Variants in GREM2 observed in about 807,000 individuals in gnomAD.
The protein encoded by GREM2 is gremlin-2.
GREM2 carries 11 observed loss-of-function variants against 14.2 expected under a neutral mutation model. That is an observed-to-expected ratio of 0.78 (90% CI 0.49 to 1.28). The LOEUF (loss-of-function observed/expected upper bound fraction) is 1.28, where lower values mean the gene tolerates loss of function less well. Among genes scored for constraint, GREM2 ranks in the 50% most tolerant of loss-of-function variants. The pLI is 0.00. For missense variants in GREM2, 210 were observed against 218.5 expected (o/e 0.96, Z 0.24); for synonymous variants, 98 against 97.6 (o/e 1.00, Z -0.02).
At chr1:240,504,201 T>A (rs941688805) in intron 1 of GREM2, among the ~76,000 whole-genome samples, 1 of 152,152 alleles carries the variant, frequency 6.6e-6, no homozygotes, top group African/African-American at 2.4e-5. Flanking sequence ...GGAAAAAAAC[T>A]GTTCAGTACT....
Position 240,597,526 on chromosome 1 carries a change from C to T in GREM2, c.-2+14358G>A, listed in dbSNP as rs184624726. ...CAAACGTCCCTTTCCGCCTTGCTCC[C>T]GCCTCATTTTACTCAAAGGTCACCT... On this transcript the variant is annotated intron_variant, in intron 1 of 1. Transcript: ENST00000318160. Among the ~76,000 whole-genome samples, 73 of 152,292 alleles carry T rather than the reference C, an allele frequency of 4.8e-4. 2 individuals are homozygous for T. Among genetic ancestry groups the T allele is most frequent in the Admixed American group, 4.3e-3 (66 of 15,304 alleles).
At chr1:240,495,741 T>A (rs911914642) in intron 1 of GREM2, among the ~76,000 whole-genome samples, 3 of 152,170 alleles carry the variant, frequency 2.0e-5, no homozygotes, top group Admixed American at 6.5e-5. Context: ...TAAAAATATT[T>A]ACGTTAAAAT....
At chr1:240,607,385 T>C (rs964749005) in intron 1 of GREM2, among the ~76,000 whole-genome samples, 1 of 152,158 alleles carries the variant, frequency 6.6e-6, no homozygotes, top group Non-Finnish European at 1.5e-5. Context: ...GTCTTAATAC[T>C]ATTAGACCCT....
chr1:240,523,861 TTGTA>T (rs772981866), intron 1 of GREM2, among the ~76,000 whole-genome samples: 5 of 152,236 alleles, frequency 3.3e-5, no homozygotes, highest in Non-Finnish European at 5.9e-5. Context: ...CCATGGCAGT[TTGTA>T]TGCTCAGCAA....
At chr1:240,551,701 A>AAGCACAAAT (rs1678857491) in intron 1 of GREM2, among the ~76,000 whole-genome samples, 1 of 152,016 alleles carries the variant, frequency 6.6e-6, no homozygotes, top group Non-Finnish European at 1.5e-5. Flanking sequence ...CTTAAAATGT[A>AAGCACAAAT]AGCACAAATA....
intron 1 of GREM2, among the ~76,000 whole-genome samples, chr1:240,514,244 T>C: frequency 1.5e-5 from 1 of 67,026 alleles, no homozygotes; most frequent in South Asian, 6.1e-4. Flanking sequence ...CGAGATTCCA[T>C]CTCAAAAAAA....
At chr1:240,537,060 T>C (rs1381220122) in intron 1 of GREM2, among the ~76,000 whole-genome samples, 3 of 152,228 alleles carry the variant, frequency 2.0e-5, no homozygotes, top group African/African-American at 7.2e-5. Flanking sequence ...AGTTGTGCTG[T>C]AGTAAGATAA....
In GREM2 at chr1:240,490,255, A is replaced by C. The variant is rs1028682799; in HGVS notation, c.*2714T>G. ...TGTCTTCAGCTGGCAGGGGATGTGG[A>C]AGAGGCTTGGAAGCTTCCAAAGACC... is the stretch of plus-strand genomic sequence containing the variant. On this transcript the variant is annotated 3_prime_UTR_variant, in exon 2 of 2. Transcript: ENST00000318160. 11 of 152,222 alleles carry C rather than the reference A, an allele frequency of 7.2e-5. No homozygotes were observed. Among genetic ancestry groups the C allele is most frequent in the African/African-American group, 2.4e-4 (10 of 41,440 alleles). 9.4% of individuals were successfully genotyped at this position (152,222 alleles called of 1,614,324 possible). A position where few individuals can be genotyped will look rare whatever the true frequency, so the allele number is the denominator to read the frequency against.
At chr1:240,557,894 A>G (rs568829344) in intron 1 of GREM2, among the ~76,000 whole-genome samples, 1 of 152,196 alleles carries the variant, frequency 6.6e-6, no homozygotes, top group Non-Finnish European at 1.5e-5. Flanking sequence ...ATGCAGGTAA[A>G]GAAAAGTTTG....
chr1:240,504,698 C>T (rs1000140980), intron 1 of GREM2, among the ~76,000 whole-genome samples: 4 of 152,174 alleles, frequency 2.6e-5, no homozygotes, highest in African/African-American at 9.7e-5. Context: ...GCAAGTCAGG[C>T]TGTTTCCCAT....
chr1:240,538,945 C>G (rs1558154420), intron 1 of GREM2, among the ~76,000 whole-genome samples: 1 of 152,102 alleles, frequency 6.6e-6, no homozygotes, highest in Non-Finnish European at 1.5e-5. Context: ...GAAATAACAG[C>G]ATCAGATAAT....
At chr1:240,600,742 C>A (rs1412084110) in intron 1 of GREM2, among the ~76,000 whole-genome samples, 1 of 152,140 alleles carries the variant, frequency 6.6e-6, no homozygotes, top group African/African-American at 2.4e-5. Flanking sequence ...CCTCGGCCTC[C>A]CAAAATGCTG....
chr1:240,513,981 C>T (rs1159874984), intron 1 of GREM2, among the ~76,000 whole-genome samples: 3 of 151,908 alleles, frequency 2.0e-5, no homozygotes, highest in African/African-American at 7.3e-5. Context: ...TGCGGTGGCT[C>T]ATGCATGTAA....
rs772365384 is a variant in GREM2, at chr1:240,492,981, C to A, written c.495G>T (p.Ser165=). 17 of 1,542,390 alleles carry A rather than the reference C, an allele frequency of 1.1e-5. No individual in the cohort carries two copies. The highest frequency in any genetic ancestry group is 3.7e-5 in the Admixed American group (2 of 53,388). The change falls in exon 2 of 2, where the codon TCG becomes TCT. Residue 165 remains serine, a synonymous_variant. Transcript: ENST00000318160. ...TCCGGCCCGGCGCTCACTGCTTGTC[C>A]GAGTCGCTCAGGTTCACGGACATGC... ...CRCMSVNLSD[S]DKQ
intron 1 of GREM2, among the ~76,000 whole-genome samples, chr1:240,508,586 A>T (rs1218899973): frequency 1.3e-5 from 2 of 152,258 alleles, no homozygotes. Context: ...TTTCTTGTTA[A>T]CATCAAACAG....
At chr1:240,597,216 A>C (rs1369049241) in intron 1 of GREM2, among the ~76,000 whole-genome samples, 1 of 152,216 alleles carries the variant, frequency 6.6e-6, no homozygotes, top group African/African-American at 2.4e-5. Flanking sequence ...TGTGCAACAG[A>C]GCTCAGGAGC....
chr1:240,510,356 C>A (rs185656325), intron 1 of GREM2, among the ~76,000 whole-genome samples: 2 of 106,018 alleles, frequency 1.9e-5, no homozygotes, highest in South Asian at 6.8e-4. Context: ...GGCGACAGAG[C>A]GAGACTCCGT....
At chr1:240,606,297 A>G (rs1447630405) in intron 1 of GREM2, among the ~76,000 whole-genome samples, 1 of 152,264 alleles carries the variant, frequency 6.6e-6, no homozygotes, top group Non-Finnish European at 1.5e-5. Context: ...CATGTTACAA[A>G]AATAATTATA....
In GREM2 at chr1:240,492,012, AT is replaced by A. The variant is rs878859826; in HGVS notation, c.*956del. 1.6e-4 allele frequency: 29 copies of A among 184,876 alleles called. No individual in the cohort carries two copies. Among genetic ancestry groups the A allele is most frequent in the East Asian group, 6.8e-4 (5 of 7,342 alleles). The allele number at this position is 184,876 out of a possible 1,614,324, so 11.5% of individuals were successfully genotyped here. A position where few individuals can be genotyped will look rare whatever the true frequency, so the allele number is the denominator to read the frequency against. On this transcript the variant is annotated 3_prime_UTR_variant, in exon 2 of 2. Transcript: ENST00000318160. Reference sequence around the variant, plus strand: ...CATGACAGTGAATTGCTGACCAGGCATTTTTTTTTCTGAGTAAGACACCTTC... The same window carrying A: ...CATGACAGTGAATTGCTGACCAGGCATTTTTTTTCTGAGTAAGACACCTTC...
Sources: allele counts gnomAD v4.1 joint callset (sites outside exome capture counted in the v4.1 genomes callset), GRCh38; gene constraint gnomAD v4.1.1; transcripts MANE v1.5; gene names NCBI Gene and HGNC (gene_info 2026-07-23, HGNC 2026-07-21).